Variants in ELMO1 observed in about 807,000 individuals in gnomAD.
ELMO1 encodes engulfment and cell motility protein 1.
ELMO1 carries 26 observed loss-of-function variants against 98.9 expected under a neutral mutation model. The observed-to-expected ratio is 0.26, with a 90% confidence interval of 0.19 to 0.36. The LOEUF is 0.36. Ranked by LOEUF, ELMO1 falls within the 10% of genes least tolerant of loss-of-function variation. The pLI is 1.00. For missense variants in ELMO1, 627 were observed against 935.2 expected, an observed-to-expected ratio of 0.67 and a Z score of 4.30; for synonymous variants, 346 against 346.0, an observed-to-expected ratio of 1.00 and a Z score of 0.00.
intron 14 of ELMO1, among the ~76,000 whole-genome samples, chr7:37,120,179 A>G (rs776543072): frequency 3.3e-5 from 5 of 152,254 alleles, no homozygotes; most frequent in Non-Finnish European, 7.3e-5. Context: ...ATGGCCAAAT[A>G]GGAACAGCTC....
chr7:36,956,828 T>C (rs2129112940), intron 16 of ELMO1, among the ~76,000 whole-genome samples: 1 of 152,352 alleles, frequency 6.6e-6, no homozygotes, highest in South Asian at 2.1e-4. Context: ...ACAGGTTTGA[T>C]TACAACGCCG....
At chr7:36,861,211 A>G (rs1584263004) in intron 21 of ELMO1, among the ~76,000 whole-genome samples, 1 of 152,242 alleles carries the variant, frequency 6.6e-6, no homozygotes, top group African/African-American at 2.4e-5. Context: ...AAGCATCTCG[A>G]AAATAAAATC....
At chr7:37,391,756 G>A (rs533307702) in intron 1 of ELMO1, among the ~76,000 whole-genome samples, 39 of 152,248 alleles carry the variant, frequency 2.6e-4, no homozygotes, top group African/African-American at 8.9e-4. Flanking sequence ...TTCAAGATTT[G>A]GGCAAGCCCC....
chr7:36,953,257 G>A (rs1788144819), intron 16 of ELMO1, among the ~76,000 whole-genome samples: 1 of 152,008 alleles, frequency 6.6e-6, no homozygotes, highest in African/African-American at 2.4e-5. Flanking sequence ...ATGAGCCACC[G>A]TGCCTCTCTT....
At chr7:37,227,884 T>G (rs555071061) in intron 8 of ELMO1, among the ~76,000 whole-genome samples, 29 of 152,238 alleles carry the variant, frequency 1.9e-4, no homozygotes, top group Non-Finnish European at 4.0e-4. Context: ...TCCTAAGAAA[T>G]GAATCCCTTA....
intron 14 of ELMO1, among the ~76,000 whole-genome samples, chr7:37,104,010 CAAAAAAAAA>C (rs35979251): frequency 1.2e-3 from 36 of 29,014 alleles, no homozygotes; most frequent in African/African-American, 2.0e-3. Flanking sequence ...GACTCCATCT[CAAAAAAAAA>C]AAAAAAAAAA....
rs1801989660 is a variant in ELMO1 at position 36,853,454 on chromosome 7, G to A, written c.*2097C>T. On this transcript the variant is annotated 3_prime_UTR_variant, in exon 22 of 22. Coordinates refer to ENST00000310758, the MANE Select transcript of ELMO1 (RefSeq NM_014800.11). ...AGAAAAAAATAATATGACTTTGTTTGCTGCCTTTGACCTAACACTTACTGT... is the reference window on the plus strand; with the variant it reads ...AGAAAAAAATAATATGACTTTGTTTACTGCCTTTGACCTAACACTTACTGT... Among the ~76,000 whole-genome samples, 1 of 152,160 alleles carries A rather than the reference G, an allele frequency of 6.6e-6. No individual in the cohort carries two copies. The highest frequency in any genetic ancestry group is 2.1e-4 in the South Asian group (1 of 4,818).
At chr7:37,077,643 G>A (rs1311998623) in intron 15 of ELMO1, among the ~76,000 whole-genome samples, 1 of 152,188 alleles carries the variant, frequency 6.6e-6, no homozygotes, top group Non-Finnish European at 1.5e-5. Flanking sequence ...AGAAATATGG[G>A]TACTGAATTA....
chr7:37,361,567 T>C (rs77127652), intron 1 of ELMO1, among the ~76,000 whole-genome samples: 2,165 of 152,330 alleles, frequency 0.014, 101 homozygotes, highest in East Asian at 0.11. Context: ...ACAGAAAATG[T>C]ATACCAATCT....
rs1797134540 is a variant in ELMO1 at position 37,281,411 on chromosome 7, A to G, written c.193-9529T>C. ...AAAGTGTGTGAGGAAGAAAAAAACA[A>G]TGAGGCAATACCCCCCACAAACAGG... On this transcript the variant is annotated intron_variant, in intron 4 of 21. Transcript: ENST00000310758. Among the ~76,000 whole-genome samples the G allele has an allele frequency of 2.0e-5, 3 of 152,190 alleles. No homozygotes were observed. In the South Asian group the frequency reaches 6.2e-4, roughly 32 times the overall value.
intron 13 of ELMO1, among the ~76,000 whole-genome samples, chr7:37,156,206 C>T (rs1788749880): frequency 1.3e-5 from 2 of 152,060 alleles, no homozygotes; most frequent in African/African-American, 4.8e-5. Context: ...GCACTAAATG[C>T]CCACAAGAGA....
chr7:37,308,835 AGCAGCCTTTGG>A (rs1264659440), intron 4 of ELMO1, among the ~76,000 whole-genome samples: 1 of 152,214 alleles, frequency 6.6e-6, no homozygotes, highest in Non-Finnish European at 1.5e-5. Context: ...CAGGAATACA[AGCAGCCTTTGG>A]GCATCCACGC....
chr7:37,291,743 C>T (rs1032142571), intron 4 of ELMO1, among the ~76,000 whole-genome samples: 3 of 152,100 alleles, frequency 2.0e-5, no homozygotes, highest in Non-Finnish European at 2.9e-5. Flanking sequence ...GGTGAAACTC[C>T]GTCTCTACTA....
chr7:37,305,476 A>G (rs1367751846), intron 4 of ELMO1, among the ~76,000 whole-genome samples: 1 of 149,062 alleles, frequency 6.7e-6, no homozygotes, highest in Non-Finnish European at 1.5e-5. Context: ...GTGTATGTGC[A>G]TATTTCTTTT....
At chr7:37,225,161 G>A in intron 8 of ELMO1, 131 bp from the exon 9 acceptor site, 3 of 984,406 alleles carry the variant, frequency 3.0e-6, no homozygotes, top group South Asian at 1.7e-5. Context: ...TGGAATTACA[G>A]CAAAATAGCA....
chr7:37,298,557 G>A (rs1486732988), intron 4 of ELMO1, among the ~76,000 whole-genome samples: 1 of 146,930 alleles, frequency 6.8e-6, no homozygotes, highest in Non-Finnish European at 1.5e-5. Context: ...TGCGGTGTTT[G>A]GTTTTTTGTT....
In ELMO1 at chr7:36,853,485, C is replaced by T. The variant is rs1801992066; in HGVS notation, c.*2066G>A. 6.6e-6 allele frequency among the ~76,000 whole-genome samples: 1 copy of T among 152,140 alleles called. No homozygotes were observed. The highest frequency in any genetic ancestry group is 1.5e-5 in the Non-Finnish European group (1 of 68,026). ...TTTGACCTAACACTTACTGTTTTATCATGATGATGGGTAGATTAATAACTG... is the reference window on the plus strand; with the variant it reads ...TTTGACCTAACACTTACTGTTTTATTATGATGATGGGTAGATTAATAACTG... On this transcript the variant is annotated 3_prime_UTR_variant, in exon 22 of 22. Transcript: ENST00000310758.
intron 6 of ELMO1, among the ~76,000 whole-genome samples, chr7:37,252,031 G>A (rs1795375468): frequency 6.6e-6 from 1 of 152,154 alleles, no homozygotes; most frequent in African/African-American, 2.4e-5. Flanking sequence ...AAAGGGATGT[G>A]AAGGACCTCT....
At chr7:37,079,625 C>T (rs146296039) in intron 15 of ELMO1, among the ~76,000 whole-genome samples, 2 of 152,140 alleles carry the variant, frequency 1.3e-5, no homozygotes, top group African/African-American at 4.8e-5. Flanking sequence ...TTCAGGTCAC[C>T]CTGACCTCCA....
Sources: gnomAD v4.1 joint callset for allele counts (sites outside exome capture counted in the v4.1 genomes callset) on GRCh38, gnomAD v4.1.1 for gene constraint, MANE v1.5 for transcripts, NCBI Gene and HGNC (gene_info 2026-07-23, HGNC 2026-07-21) for gene names.